Variants in CCDC40 observed in about 807,000 individuals in gnomAD.
The protein encoded by CCDC40 is coiled-coil domain 40 molecular ruler complex subunit.
CCDC40 carries 104 observed loss-of-function variants against 124.5 expected under a neutral mutation model. The ratio of observed to expected loss-of-function variants is 0.84; its 90% CI spans 0.71 to 0.98. The LOEUF (loss-of-function observed/expected upper bound fraction) is 0.98. CCDC40 is among the 50% of genes least tolerant of loss of function. CCDC40 has a pLI of 0.00. For synonymous variants in CCDC40, 580 were observed against 602.9 expected, an observed-to-expected ratio of 0.96 and a Z score of 0.56; for missense variants, 1,463 against 1,503.9, an observed-to-expected ratio of 0.97 and a Z score of 0.45.
At chr17:80,072,913 C>T (rs890484773) in intron 10 of CCDC40, among the ~76,000 whole-genome samples, 2 of 151,692 alleles carry the variant, frequency 1.3e-5, no homozygotes, top group African/African-American at 4.8e-5. Context: ...GACGTGTTTC[C>T]GTTTCTCCCG....
chr17:80,044,550 G>A (rs2143593677), intron 3 of CCDC40, among the ~76,000 whole-genome samples: 1 of 151,692 alleles, frequency 6.6e-6, no homozygotes, highest in African/African-American at 2.4e-5. Context: ...CGGGTGTGTT[G>A]GTGCACACCT....
At position 80,040,197 on chromosome 17, in the gene CCDC40, A is replaced by G. The variant is rs2037239982; in HGVS notation, c.479A>G (p.Glu160Gly). Residue 160 changes from glutamate to glycine, a missense_variant, in exon 3 of 20, where the codon GAG (glutamate) becomes GGG (glycine). By Grantham distance (98) the Glu-to-Gly change is moderately conservative. Transcript: ENST00000397545. ...ESRERRVTSPEPSHGVLGPSE... is the reference protein window; with the variant it reads ...ESRERRVTSPGPSHGVLGPSE... ...AGAGAAAGGAGGGTCACCTCCCCAG[A>G]GCCATCCCACGGAGTCTTAGGCCCG... 2 of 1,614,006 alleles carry G rather than the reference A, an allele frequency of 1.2e-6. No individual in the cohort carries two copies. Among genetic ancestry groups the G allele is most frequent in the Non-Finnish European group, 1.7e-6 (2 of 1,179,946 alleles).
intron 10 of CCDC40, among the ~76,000 whole-genome samples, chr17:80,075,636 G>T (rs1366802045): frequency 1.3e-5 from 2 of 151,790 alleles, no homozygotes; most frequent in African/African-American, 2.4e-5. Context: ...GAAGCCAGAC[G>T]TCCAGCTAAT....
At chr17:80,069,758 TAAGA>T (rs2038142384) in intron 10 of CCDC40, among the ~76,000 whole-genome samples, 1 of 107,112 alleles carries the variant, frequency 9.3e-6, no homozygotes, top group South Asian at 2.9e-4. Flanking sequence ...CTCAAAAAAA[TAAGA>T]AAGAAAAAGA....
At chr17:80,040,373 T>G in intron 3 of CCDC40, 103 bp downstream of exon 3, 193 of 1,062,320 alleles carry the variant, frequency 1.8e-4, no homozygotes, top group Middle Eastern at 2.9e-4. Context: ...CAAATTGCAA[T>G]CCCTGTTAGA....
chr17:80,049,081 CG>C (rs2037509504), intron 5 of CCDC40, among the ~76,000 whole-genome samples: 1 of 150,694 alleles, frequency 6.6e-6, no homozygotes, highest in African/African-American at 2.5e-5. Context: ...ACCACCCCCC[CG>C]CCTTGGTTGT....
chr17:80,038,027 A>T, intron 1 of CCDC40, 96 bp from the exon 2 acceptor site: 1 of 803,340 alleles, frequency 1.2e-6, no homozygotes, highest in Non-Finnish European at 2.1e-6. Flanking sequence ...GAGAAGTAAC[A>T]AGTAAATAAA....
At chr17:80,039,346 A>G in intron 2 of CCDC40, among the ~76,000 whole-genome samples, 1 of 151,462 alleles carries the variant, frequency 6.6e-6, no homozygotes, top group Non-Finnish European at 1.5e-5. Flanking sequence ...CAGCCTGGGC[A>G]GCAGAGTGAG....
rs1555889124 is a variant in CCDC40 at position 80,037,688 on chromosome 17, A to AGATATATAT, written c.30-435_30-434insGATATATAT. On this transcript the variant is annotated intron_variant, in intron 1 of 19. Coordinates refer to ENST00000397545, the MANE Select transcript of CCDC40 (RefSeq NM_017950.4). ...AGCTTGAATCTTTAATTTTTTAAAA[A>AGATATATAT]AGATATACATATATATATATATATA... is the stretch of plus-strand genomic sequence containing the variant. Among the ~76,000 whole-genome samples the AGATATATAT allele has an allele frequency of 7.4e-4, 34 of 45,706 alleles. 2 individuals are homozygous for AGATATATAT. Among genetic ancestry groups the AGATATATAT allele is most frequent in the African/African-American group, 1.8e-3 (31 of 16,972 alleles). 30.0% of individuals were successfully genotyped at this position (45,706 alleles called of 152,430 possible). A position where few individuals can be genotyped will look rare whatever the true frequency, so the allele number is the denominator to read the frequency against.
At chr17:80,056,016 A>ATATATATATATTTTTTTT (rs71163913) in intron 7 of CCDC40, among the ~76,000 whole-genome samples, 1 of 10,248 alleles carries the variant, frequency 9.8e-5, no homozygotes, top group African/African-American at 3.5e-4. Context: ...ATATATATAT[A>ATATATATATATTTTTTTT]TTTTTTTTTT....
At chr17:80,044,255 C>A (rs1281761136) in intron 3 of CCDC40, among the ~76,000 whole-genome samples, 1 of 152,220 alleles carries the variant, frequency 6.6e-6, no homozygotes. Flanking sequence ...CTCCCCTACC[C>A]TGGGAAACCC....
At chr17:80,078,147 C>T (rs1029214941) in intron 10 of CCDC40, among the ~76,000 whole-genome samples, 13 of 151,878 alleles carry the variant, frequency 8.6e-5, no homozygotes, top group Middle Eastern at 3.4e-3. Context: ...CTGGCTAACA[C>T]GGTGAAACCC....
rs1738635508 is a variant in CCDC40, at chr17:80,087,206, G to A, written c.2450-401G>A. The A allele has an allele frequency of 6.7e-6, 2 of 297,634 alleles. No homozygotes were observed. The highest frequency in any genetic ancestry group is 6.6e-6 in the Non-Finnish European group (1 of 151,670). The allele number at this position is 297,634 out of a possible 1,614,324, so 18.4% of individuals were successfully genotyped here. A position where few individuals can be genotyped will look rare whatever the true frequency, so the allele number is the denominator to read the frequency against. ...TACCCCTGAGCTTGGCTGGGGCAGG[G>A]CAGGGGTCTAAGGGCCTCCCTCTCC... On this transcript the variant is annotated intron_variant, in intron 14 of 19. Transcript: ENST00000397545. The surrounding 1 kb of genome is among the most constrained non-coding windows in gnomAD (Gnocchi z 4.5).
chr17:80,071,862 G>A (rs1038226067), intron 10 of CCDC40, among the ~76,000 whole-genome samples: 2 of 105,346 alleles, frequency 1.9e-5, no homozygotes, highest in Non-Finnish European at 3.6e-5. Flanking sequence ...TTGAGATGAA[G>A]TTTCACTCTT....
chr17:80,071,293 A>G (rs8079304), intron 10 of CCDC40, among the ~76,000 whole-genome samples: 2,253 of 152,298 alleles, frequency 0.015, 57 homozygotes, highest in African/African-American at 0.052. Context: ...GCCCGCAGCC[A>G]CAGCCCCTTT....
chr17:80,036,816 C>T (rs1467561972), intron 1 of CCDC40, 125 bp downstream of exon 1: 4 of 891,672 alleles, frequency 4.5e-6, no homozygotes, highest in Non-Finnish European at 6.4e-6. Context: ...TTCCTCTCGC[C>T]TGTGTCCCTT....
intron 10 of CCDC40, among the ~76,000 whole-genome samples, chr17:80,068,855 G>A (rs944959969): frequency 2.6e-5 from 4 of 152,202 alleles, no homozygotes; most frequent in African/African-American, 7.2e-5. Context: ...CTCCACGCTC[G>A]GACTAGCAGA....
rs555345977 is a variant in CCDC40 at position 80,086,287 on chromosome 17, A to G, written c.2449+71A>G. The G allele has an allele frequency of 2.3e-4, 291 of 1,289,330 alleles. No homozygotes were observed. In the African/African-American group the frequency reaches 4.0e-3, roughly 18 times the overall value. 79.9% of individuals were successfully genotyped at this position (1,289,330 alleles called of 1,614,324 possible). On this transcript the variant is annotated intron_variant, in intron 14 of 19. Transcript: ENST00000397545. This position sits in a 1 kb window ranked among gnomAD's most constrained non-coding sequence, Gnocchi z 5.5. ...CTGGGACGTGGGCACCTCCCAGGGGAGGGGCACTCAGTGGGGCACGTCGCT... is the reference window on the plus strand; with the variant it reads ...CTGGGACGTGGGCACCTCCCAGGGGGGGGGCACTCAGTGGGGCACGTCGCT...
chr17:80,078,372 G>T lies in CCDC40; in HGVS notation c.1563-3174G>T, dbSNP rs554625967. ...AAAGGAAAGAAAAAGAAATGTCTAA[G>T]GGTCACGAAGATTTTCTCCCAAGTT... On this transcript the variant is annotated intron_variant, in intron 10 of 19. Coordinates refer to ENST00000397545, the MANE Select transcript of CCDC40 (RefSeq NM_017950.4). 8.6e-5 allele frequency among the ~76,000 whole-genome samples: 13 copies of T among 150,938 alleles called. No individual in the cohort carries two copies. The South Asian group carries it at 2.5e-3, about 29-fold the overall frequency.
Sources: gnomAD v4.1 joint callset for allele counts (sites outside exome capture counted in the v4.1 genomes callset) on GRCh38, gnomAD v4.1.1 for gene constraint, Gnocchi (gnomAD v3.1) non-coding constraint, MANE v1.5 for transcripts, NCBI Gene and HGNC (gene_info 2026-07-23, HGNC 2026-07-21) for gene names.